Variants in ADCY2 observed in about 807,000 individuals in gnomAD.
The protein encoded by ADCY2 is adenylate cyclase type 2.
Under a neutral mutation model 125.2 loss-of-function variants are expected in ADCY2, and 31 were observed. The observed-to-expected ratio is 0.25, with a 90% CI of 0.19 to 0.33. The LOEUF (loss-of-function observed/expected upper bound fraction) is 0.33, where lower values mean the gene tolerates loss of function less well. ADCY2 is among the 10% of genes least tolerant of loss of function. The pLI is 1.00. For missense variants in ADCY2, 904 were observed against 1,418.2 expected (o/e 0.64, Z 5.82); for synonymous variants, 512 against 548.4 (o/e 0.93, Z 0.93).
At chr5:7,695,588 C>CA (rs35317146) in intron 5 of ADCY2, among the ~76,000 whole-genome samples, 164 bp from the exon 6 acceptor site, 2 of 151,826 alleles carry the variant, frequency 1.3e-5, no homozygotes, top group African/African-American at 4.8e-5. Context: ...TTAACAAGTT[C>CA]AAAAAAATGT....
chr5:7,768,537 G>C (rs1251675987), intron 17 of ADCY2, among the ~76,000 whole-genome samples: 1 of 152,122 alleles, frequency 6.6e-6, no homozygotes, highest in Admixed American at 6.5e-5. Context: ...GGAAAAAAAT[G>C]TATAGCTGCA....
chr5:7,470,094 A>G (rs1302530869), intron 2 of ADCY2, among the ~76,000 whole-genome samples: 1 of 151,866 alleles, frequency 6.6e-6, no homozygotes, highest in Non-Finnish European at 1.5e-5. Context: ...TTTGATTAGT[A>G]TTCTGAAAAG....
chr5:7,433,323 AT>A (rs1291835228), intron 2 of ADCY2, among the ~76,000 whole-genome samples: 1 of 152,136 alleles, frequency 6.6e-6, no homozygotes, highest in Non-Finnish European at 1.5e-5. Flanking sequence ...TATTTTATTA[AT>A]TTTTTTAAAA....
chr5:7,486,878 A>G (rs1053563497), intron 2 of ADCY2, among the ~76,000 whole-genome samples: 1 of 152,182 alleles, frequency 6.6e-6, no homozygotes. Flanking sequence ...AAGTCAGAAT[A>G]AAGTGGCATG....
chr5:7,813,518 G>A lies in ADCY2; in HGVS notation c.2884-3348G>A, dbSNP rs190542403. Among the ~76,000 whole-genome samples, 6 of 152,222 alleles carry A rather than the reference G, an allele frequency of 3.9e-5. No individual in the cohort carries two copies. In the East Asian group the frequency reaches 7.7e-4, roughly 20 times the overall value. ...GTAGTCTCTGTGTAGCTGGAAGCCC[G>A]TTAAATAGCTGGGGATATGTAACAT... On this transcript the variant is annotated intron_variant, in intron 22 of 24. Coordinates refer to ENST00000338316, the MANE Select transcript of ADCY2 (RefSeq NM_020546.3).
intron 20 of ADCY2, chr5:7,800,712 A>T (rs1280772233): frequency 6.6e-6 from 1 of 152,148 alleles, no homozygotes; most frequent in Non-Finnish European, 1.5e-5. Flanking sequence ...CCTTTTCCTC[A>T]AGCACAGGGA....
At chr5:7,744,611 C>A (rs1579382501) in intron 15 of ADCY2, among the ~76,000 whole-genome samples, 2 of 152,300 alleles carry the variant, frequency 1.3e-5, no homozygotes, top group South Asian at 4.1e-4. Flanking sequence ...CGTAAGGATG[C>A]AAACAATGGG....
At chr5:7,492,592 C>G (rs1743202910) in intron 2 of ADCY2, among the ~76,000 whole-genome samples, 1 of 152,242 alleles carries the variant, frequency 6.6e-6, no homozygotes, top group South Asian at 2.1e-4. Flanking sequence ...TCTTATAGAT[C>G]AGTTAGATGT....
At chr5:7,826,243 C>G (rs1326970654) in intron 24 of ADCY2, among the ~76,000 whole-genome samples, 2 of 152,150 alleles carry the variant, frequency 1.3e-5, no homozygotes, top group African/African-American at 4.8e-5. Flanking sequence ...ACACTGACAT[C>G]TATGATTAAT....
intron 3 of ADCY2, among the ~76,000 whole-genome samples, chr5:7,609,595 A>T (rs896590436): frequency 6.6e-5 from 10 of 152,368 alleles, no homozygotes; most frequent in Admixed American, 6.5e-4. Flanking sequence ...CCCAATCTAT[A>T]TATAGGGGAA....
At chr5:7,474,885 A>C (rs1579480336) in intron 2 of ADCY2, among the ~76,000 whole-genome samples, 1 of 152,216 alleles carries the variant, frequency 6.6e-6, no homozygotes. Context: ...GTTTAAGAGA[A>C]AATAACTCGG....
intron 3 of ADCY2, among the ~76,000 whole-genome samples, chr5:7,558,041 T>G (rs916271692): frequency 1.4e-5 from 2 of 147,970 alleles, no homozygotes; most frequent in Non-Finnish European, 3.0e-5. Context: ...TTTTGTTTTG[T>G]TTTGTTTTTG....
In ADCY2 at chr5:7,396,620, G is replaced by T; in HGVS notation, c.210+114G>T. ...CCCCTCGGCCCGCGGCAGCCCCTCG[G>T]CCCGCGGCAGCCCCTCGGCCCGCGG... On this transcript the variant is annotated intron_variant, in intron 1 of 24. Coordinates refer to ENST00000338316, the MANE Select transcript of ADCY2 (RefSeq NM_020546.3). This position sits in a 1 kb window ranked among gnomAD's most constrained non-coding sequence, Gnocchi z 5.7. 1.5e-6 allele frequency: 1 copy of T among 677,342 alleles called. No individual in the cohort carries two copies. The highest frequency in any genetic ancestry group is 2.0e-6 in the Non-Finnish European group (1 of 489,096). 42.0% of individuals were successfully genotyped at this position (677,342 alleles called of 1,614,324 possible). A position where few individuals can be genotyped will look rare whatever the true frequency, so the allele number is the denominator to read the frequency against.
At position 7,520,756 on chromosome 5, in the gene ADCY2, A is replaced by G. The variant is rs199572354; in HGVS notation, c.427A>G (p.Ile143Val). ...PWDQVSFFLF[I>V]IFVVYTMLPF... is the part of the protein sequence containing the mutation. The stretch of plus-strand genomic sequence containing the variant: ...CCCGTAGGTATCGTTCTTCCTCTTC[A>G]TCATCTTCGTGGTGTACACCATGCT... The change falls in exon 3 of 25, where the codon ATC becomes GTC. Residue 143 changes from isoleucine to valine, a missense_variant. Around this residue, in one of 7 missense-constraint regions of ADCY2, gnomAD observed 121 missense variants for 161.5 expected, o/e 0.75. Transcript: ENST00000338316. The G allele has an allele frequency of 1.9e-6, 3 of 1,614,094 alleles. No homozygotes were observed. The highest frequency in any genetic ancestry group is 2.5e-6 in the Non-Finnish European group (3 of 1,180,016).
At chr5:7,547,187 G>A (rs1195335850) in intron 3 of ADCY2, among the ~76,000 whole-genome samples, 1 of 152,188 alleles carries the variant, frequency 6.6e-6, no homozygotes, top group African/African-American at 2.4e-5. Context: ...CCACAGCAGA[G>A]ACTGCTGGCT....
intron 3 of ADCY2, among the ~76,000 whole-genome samples, chr5:7,589,511 A>AAAGAAAGAGAAAGAAAG (rs757777978): frequency 1.8e-4 from 20 of 110,470 alleles, no homozygotes; most frequent in Non-Finnish European, 3.7e-4. Flanking sequence ...AGAAAGAAAG[A>AAAGAAAGAGAAAGAAAG]AAAGAAAAGA....
intron 2 of ADCY2, among the ~76,000 whole-genome samples, chr5:7,464,902 G>A (rs184283817): frequency 2.1e-4 from 32 of 152,266 alleles, no homozygotes; most frequent in African/African-American, 7.2e-4. Flanking sequence ...ACATACCCGA[G>A]ACTGGGTAAT....
At chr5:7,397,064 G>A (rs1739079157) in intron 1 of ADCY2, among the ~76,000 whole-genome samples, 1 of 152,210 alleles carries the variant, frequency 6.6e-6, no homozygotes, top group Non-Finnish European at 1.5e-5. Context: ...TATGCATTTA[G>A]CTCTTTAGCC....
At chr5:7,669,273 G>A (rs1739855553) in intron 4 of ADCY2, among the ~76,000 whole-genome samples, 2 of 152,202 alleles carry the variant, frequency 1.3e-5, no homozygotes, top group South Asian at 2.1e-4. Context: ...TGGGTCGAAG[G>A]GTGGTGAGAA....
Sources: allele counts gnomAD v4.1 joint callset (sites outside exome capture counted in the v4.1 genomes callset), GRCh38; gene constraint gnomAD v4.1.1; regional missense constraint gnomAD v4.1.1; non-coding constraint Gnocchi (gnomAD v3.1); transcripts MANE v1.5; gene names NCBI Gene and HGNC (gene_info 2026-07-23, HGNC 2026-07-21).